ZFYVE1: variants seen among roughly 807,000 people sequenced by gnomAD.
The protein encoded by ZFYVE1 is zinc finger FYVE domain-containing protein 1.
ZFYVE1 carries 30 observed loss-of-function variants against 74.4 expected under a neutral mutation model. That is an observed-to-expected ratio of 0.40 (90% confidence interval 0.30 to 0.55). ZFYVE1 has a LOEUF of 0.55. Among genes scored for constraint, ZFYVE1 ranks in the 20% least tolerant of loss-of-function variants. The probability of loss-of-function intolerance (pLI) is 0.42; values close to 1 mark genes in which losing one functional copy is unlikely to be tolerated. For synonymous variants in ZFYVE1, 335 were observed against 385.1 expected (o/e 0.87, Z 1.52); for missense variants, 703 against 1,011.6 (o/e 0.69, Z 4.14).
Position 72,975,837 on chromosome 14 carries a change from C to G in ZFYVE1, c.1636-116G>C. On this transcript the variant is annotated intron_variant, in intron 8 of 11. Transcript: ENST00000556143. The surrounding 1 kb of genome is among the most constrained non-coding windows in gnomAD (Gnocchi z 4.1). ...TGGCCAACTCAGAACCACTAACTCC[C>G]TGGCAGGGAAGAACGGAGACACACC... 5 of 1,229,212 alleles carry G rather than the reference C, an allele frequency of 4.1e-6. No individual in the cohort carries two copies. Among genetic ancestry groups the G allele is most frequent in the Non-Finnish European group, 5.7e-6 (5 of 877,102 alleles). 76.1% of individuals were successfully genotyped at this position (1,229,212 alleles called of 1,614,324 possible). A position where few individuals can be genotyped will look rare whatever the true frequency, so the allele number is the denominator to read the frequency against.
At chr14:72,989,226 A>T (rs1893553879) in intron 4 of ZFYVE1, among the ~76,000 whole-genome samples, 1 of 152,176 alleles carries the variant, frequency 6.6e-6, no homozygotes, top group African/African-American at 2.4e-5. Context: ...GCACCCAGCC[A>T]GCATTTGCAA....
intron 2 of ZFYVE1, among the ~76,000 whole-genome samples, chr14:73,018,978 C>T (rs1325036181): frequency 6.6e-6 from 1 of 151,598 alleles, no homozygotes; most frequent in African/African-American, 2.4e-5. Flanking sequence ...ATAATATATG[C>T]GCCAAAAATG....
Position 73,006,994 on chromosome 14 carries a change from T to G in ZFYVE1, c.484-8679A>C, listed in dbSNP as rs1032223393. ...TCTCAAAGTGCTGGGATTACAGGGA[T>G]AAGCCACTGCGCCCAGCCCCAATTT... On this transcript the variant is annotated intron_variant, in intron 2 of 11. Transcript: ENST00000556143. Among the ~76,000 whole-genome samples, 5 of 152,098 alleles carry G rather than the reference T, an allele frequency of 3.3e-5. No homozygotes were observed. The East Asian group carries it at 9.6e-4, about 29-fold the overall frequency.
At chr14:72,995,618 C>G (rs189168622) in intron 3 of ZFYVE1, among the ~76,000 whole-genome samples, 142 of 152,276 alleles carry the variant, frequency 9.3e-4, no homozygotes, top group African/African-American at 1.1e-3. Context: ...TGTAAAGATC[C>G]AAAGTGGCAT....
chr14:72,985,363 C>T (rs1270809310), intron 4 of ZFYVE1, among the ~76,000 whole-genome samples: 5 of 152,216 alleles, frequency 3.3e-5, no homozygotes, highest in African/African-American at 1.2e-4. Flanking sequence ...GAGACAGTCT[C>T]GCTCCGTCAC....
At position 72,974,862 on chromosome 14, in the gene ZFYVE1, G is replaced by A; in HGVS notation, c.1904C>T (p.Thr635Ile). ...CCAGCCCCGCTCAGGCACTGGCCGA[G>A]TCTTTGATGAACAGCTGTCACAGAA... is the stretch of plus-strand genomic sequence containing the variant. ...EGFCDSCSSK[T>I]RPVPERGWGP... The change falls in exon 10 of 12, where the codon ACT (threonine) becomes ATT (isoleucine). Residue 635 changes from threonine (T) to isoleucine (I), a missense_variant. Coordinates refer to ENST00000556143, the MANE Select transcript of ZFYVE1 (RefSeq NM_021260.4). The A allele has an allele frequency of 6.2e-7, 1 of 1,614,174 alleles. No homozygotes were observed. Among genetic ancestry groups the A allele is most frequent in the Non-Finnish European group, 8.5e-7 (1 of 1,180,004 alleles).
chr14:72,969,583 G>A lies in ZFYVE1; in HGVS notation c.*1299C>T, dbSNP rs1274284793. ...CACACTCCAGGGCTCATGTCACACCGATAGGCGCACCAGGAATGACCGCCA... is the reference window on the plus strand; with the variant it reads ...CACACTCCAGGGCTCATGTCACACCAATAGGCGCACCAGGAATGACCGCCA... On this transcript the variant is annotated 3_prime_UTR_variant, in exon 12 of 12. Transcript: ENST00000556143. 2.5e-5 allele frequency: 16 copies of A among 645,570 alleles called. No individual in the cohort carries two copies. The highest frequency in any genetic ancestry group is 9.0e-5 in the South Asian group (5 of 55,718). The allele number at this position is 645,570 out of a possible 1,614,324, so 40.0% of individuals were successfully genotyped here.
intron 2 of ZFYVE1, among the ~76,000 whole-genome samples, chr14:73,013,172 C>T (rs1361644493): frequency 6.6e-6 from 1 of 152,122 alleles, no homozygotes; most frequent in East Asian, 1.9e-4. Context: ...TCCAATTATC[C>T]TCCAGTGAAG....
chr14:72,972,082 C>T (rs1416001004), intron 11 of ZFYVE1, among the ~76,000 whole-genome samples: 3 of 151,998 alleles, frequency 2.0e-5, no homozygotes, highest in African/African-American at 7.3e-5. Context: ...ATTAGCCGGG[C>T]GTGGTGGTAT....
chr14:73,012,659 C>A (rs968802128), intron 2 of ZFYVE1, among the ~76,000 whole-genome samples: 2 of 152,126 alleles, frequency 1.3e-5, no homozygotes, highest in African/African-American at 2.4e-5. Flanking sequence ...AAAGCCTCTA[C>A]TCAGAAAAAC....
chr14:72,978,961 C>T lies in ZFYVE1; in HGVS notation c.1319G>A (p.Cys440Tyr). Residue 440 changes from cysteine to tyrosine, a missense_variant, in exon 6 of 12, where the codon TGT becomes TAT. Around this residue, in one of 2 missense-constraint regions of ZFYVE1, gnomAD observed 492 missense variants for 790.0 expected, o/e 0.62. Coordinates refer to ENST00000556143, the MANE Select transcript of ZFYVE1 (RefSeq NM_021260.4). ...CTTCCCATGATTCATGCTTTTCTTA[C>T]ATCCAACCCTGAATGAAGCCCAAAG... ...SSLCLSCGVG[C>Y]KKSMNHGKEG... 1.2e-6 allele frequency: 2 copies of T among 1,613,772 alleles called. No individual in the cohort carries two copies. Among genetic ancestry groups the T allele is most frequent in the Non-Finnish European group, 1.7e-6 (2 of 1,179,742 alleles).
Position 72,970,109 on chromosome 14 carries a change from C to A in ZFYVE1, c.*773G>T, listed in dbSNP as rs1178862841. On this transcript the variant is annotated 3_prime_UTR_variant, in exon 12 of 12. Transcript: ENST00000556143. The stretch of plus-strand genomic sequence containing the variant: ...CCGAGTGGAGACAGAAGCATCGGGA[C>A]AGGAAGCCCTGCTGGAGAAGGCTCA... 1.9e-5 allele frequency: 5 copies of A among 256,522 alleles called. No individual in the cohort carries two copies. Among genetic ancestry groups the A allele is most frequent in the Non-Finnish European group, 3.8e-5 (5 of 133,302 alleles). 15.9% of individuals were successfully genotyped at this position (256,522 alleles called of 1,614,324 possible).
intron 3 of ZFYVE1, among the ~76,000 whole-genome samples, chr14:72,994,643 G>C (rs1315692258): frequency 6.6e-6 from 1 of 152,088 alleles, no homozygotes; most frequent in Admixed American, 6.6e-5. Context: ...AAGCATAAAA[G>C]GAAAGAAATT....
intron 2 of ZFYVE1, among the ~76,000 whole-genome samples, chr14:73,009,175 T>C (rs1047079691): frequency 2.0e-5 from 3 of 152,226 alleles, no homozygotes; most frequent in African/African-American, 7.2e-5. Context: ...AGTATCACCA[T>C]TAAAGGTTCA....
In ZFYVE1 at chr14:73,024,725, T is replaced by C. The variant is rs772495348; in HGVS notation, c.-217A>G. On this transcript the variant is annotated 5_prime_UTR_variant, in exon 2 of 12. Transcript: ENST00000556143. Reference sequence around the variant, plus strand: ...TAAGACTCTTGTATTAGCAGCAACGTTGATTTGGTTTGATGGTTTCATCCT... The same window carrying C: ...TAAGACTCTTGTATTAGCAGCAACGCTGATTTGGTTTGATGGTTTCATCCT... 10 of 589,124 alleles carry C rather than the reference T, an allele frequency of 1.7e-5. No homozygotes were observed. The highest frequency in any genetic ancestry group is 2.5e-5 in the Non-Finnish European group (9 of 363,000). 36.5% of individuals were successfully genotyped at this position (589,124 alleles called of 1,614,324 possible).
chr14:73,020,922 C>T (rs1389330136), intron 2 of ZFYVE1, among the ~76,000 whole-genome samples: 1 of 152,076 alleles, frequency 6.6e-6, no homozygotes, highest in Admixed American at 6.5e-5. Context: ...TCATTAGAGA[C>T]AGGGTTTGAC....
intron 5 of ZFYVE1, among the ~76,000 whole-genome samples, chr14:72,980,668 C>T (rs990498751): frequency 3.3e-5 from 5 of 152,086 alleles, no homozygotes; most frequent in Admixed American, 1.3e-4. Flanking sequence ...CCCGGGTTCA[C>T]GCCATTCTCC....
intron 3 of ZFYVE1, 108 bp from the exon 4 acceptor site, chr14:72,993,465 G>T: frequency 1.0e-6 from 1 of 970,076 alleles, no homozygotes; most frequent in Non-Finnish European, 1.5e-6. Flanking sequence ...CACTTTGGGA[G>T]GCCAAGGTGG....
intron 11 of ZFYVE1, among the ~76,000 whole-genome samples, chr14:72,971,350 T>G (rs1397775757): frequency 2.6e-5 from 4 of 152,196 alleles, no homozygotes; most frequent in Admixed American, 2.0e-4. Flanking sequence ...TTTTAAGATT[T>G]TTTGGAGTCA....
Sources: gnomAD v4.1 joint callset for allele counts (sites outside exome capture counted in the v4.1 genomes callset) on GRCh38, gnomAD v4.1.1 for gene constraint, gnomAD v4.1.1 regional missense constraint, Gnocchi (gnomAD v3.1) non-coding constraint, MANE v1.5 for transcripts, NCBI Gene and HGNC (gene_info 2026-07-23, HGNC 2026-07-21) for gene names.